The following KLKB1 variants were observed in gnomAD, a reference collection of about 807,000 sequenced individuals.
KLKB1 encodes the protein plasma kallikrein.
A neutral mutation model predicts 73.6 loss-of-function variants in KLKB1; 58 were observed. The observed-to-expected ratio is 0.79, with a 90% CI of 0.64 to 0.98. The LOEUF is 0.98. KLKB1 is among the 50% of genes least tolerant of loss of function. KLKB1 has a pLI of 0.00. For synonymous variants in KLKB1, 280 were observed against 258.1 expected (o/e 1.08, Z -0.81); for missense variants, 737 against 763.8 (o/e 0.96, Z 0.41).
intron 6 of KLKB1, among the ~76,000 whole-genome samples, chr4:186,249,328 G>T (rs1738545692): frequency 6.6e-6 from 1 of 152,140 alleles, no homozygotes; most frequent in Non-Finnish European, 1.5e-5. Flanking sequence ...ATTAAATTTT[G>T]TATATGGTGT....
At chr4:186,240,673 T>C (rs1737985958) in intron 6 of KLKB1, among the ~76,000 whole-genome samples, 1 of 152,200 alleles carries the variant, frequency 6.6e-6, no homozygotes, top group South Asian at 2.1e-4. Context: ...AGGATTTCCC[T>C]GTGGAAGATT....
chr4:186,249,901 C>CAA (rs4253298), intron 6 of KLKB1, among the ~76,000 whole-genome samples: 14 of 151,934 alleles, frequency 9.2e-5, no homozygotes, highest in African/African-American at 3.4e-4. Context: ...GAAAATACAA[C>CAA]AAAAAAACCC....
At chr4:186,230,998 T>A (rs1737376111) in intron 2 of KLKB1, among the ~76,000 whole-genome samples, 1 of 152,100 alleles carries the variant, frequency 6.6e-6, no homozygotes, top group African/African-American at 2.4e-5. Context: ...CGAGAGGTGG[T>A]CATCTTGGCC....
At chr4:186,233,808 A>T (rs1737525267) in intron 3 of KLKB1, 144 bp from the exon 4 acceptor site, 1 of 667,516 alleles carries the variant, frequency 1.5e-6, no homozygotes, top group Non-Finnish European at 2.7e-6. Context: ...ATTAGCTCTA[A>T]GAGTGTTCTT....
At chr4:186,235,306 A>G (rs1259688256) in intron 4 of KLKB1, among the ~76,000 whole-genome samples, 1 of 152,030 alleles carries the variant, frequency 6.6e-6, no homozygotes, top group Non-Finnish European at 1.5e-5. Context: ...TTGTTCATGT[A>G]TTCTAAAACT....
At chr4:186,230,054 A>G (rs1273726002) in intron 2 of KLKB1, among the ~76,000 whole-genome samples, 1 of 152,124 alleles carries the variant, frequency 6.6e-6, no homozygotes, top group Non-Finnish European at 1.5e-5. Context: ...GACTGGAGCA[A>G]GTGGAAGGAG....
Position 186,239,575 on chromosome 4 carries a change from A to G in KLKB1, c.598+1210A>G, listed in dbSNP as rs542798208. ...GTGATACTGTTAGAGTTATAGGTAC[A>G]GTGACATAGGACAGTGATACTGTTA... is the stretch of plus-strand genomic sequence containing the variant. On this transcript the variant is annotated intron_variant, in intron 6 of 14. Coordinates refer to ENST00000264690, the MANE Select transcript of KLKB1 (RefSeq NM_000892.5). Among the ~76,000 whole-genome samples, 5 of 147,128 alleles carry G rather than the reference A, an allele frequency of 3.4e-5. No individual in the cohort carries two copies. The East Asian group carries it at 1.0e-3, about 30-fold the overall frequency.
intron 6 of KLKB1, among the ~76,000 whole-genome samples, chr4:186,241,423 G>GT (rs2126648601): frequency 6.6e-6 from 1 of 152,140 alleles, no homozygotes; most frequent in South Asian, 2.1e-4. Context: ...TCCACCTTTT[G>GT]TTTTTTTAAT....
chr4:186,236,935 G>A lies in KLKB1; in HGVS notation c.483G>A (p.Glu161=), dbSNP rs751384112. Residue 161 remains glutamate (E), a synonymous_variant, in exon 5 of 15, where the codon GAG becomes GAA. Transcript: ENST00000264690. ...CCACGCAAACATTTCACAAGGCAGAGTACCGGTGAGTACAATTCAAGGTGT... is the reference window on the plus strand; with the variant it reads ...CCACGCAAACATTTCACAAGGCAGAATACCGGTGAGTACAATTCAAGGTGT... The part of the protein sequence containing the change: ...SYATQTFHKA[E]YRNNCLLKYS... The A allele has an allele frequency of 1.2e-6, 2 of 1,614,072 alleles. No homozygotes were observed. The highest frequency in any genetic ancestry group is 3.3e-5 in the Admixed American group (2 of 60,016).
chr4:186,242,859 A>T (rs764686584), intron 6 of KLKB1, among the ~76,000 whole-genome samples: 1 of 150,870 alleles, frequency 6.6e-6, no homozygotes. Context: ...GGTGAGGGGT[A>T]TGAAGGTTTT....
chr4:186,249,918 T>A (rs1264799950), intron 6 of KLKB1, among the ~76,000 whole-genome samples: 1 of 152,156 alleles, frequency 6.6e-6, no homozygotes, highest in East Asian at 1.9e-4. Flanking sequence ...ACCCTTACAT[T>A]CCTAAGGCCT....
chr4:186,244,742 T>A (rs890531610), intron 6 of KLKB1, among the ~76,000 whole-genome samples: 1 of 152,186 alleles, frequency 6.6e-6, no homozygotes, highest in Non-Finnish European at 1.5e-5. Flanking sequence ...GTCCGGTTTT[T>A]GGACAGGTAA....
chr4:186,240,542 A>AT lies in KLKB1; in HGVS notation c.598+2177_598+2178insT, dbSNP rs971588320. On this transcript the variant is annotated intron_variant, in intron 6 of 14. Transcript: ENST00000264690. ...ATCCAGAAAATTGCCATGACATTCC[A>AT]CCTCATTTAGCATGTCAGGATGTTA... Among the ~76,000 whole-genome samples the AT allele has an allele frequency of 1.2e-4, 19 of 152,162 alleles. 1 individual carries two copies. The highest frequency in any genetic ancestry group is 4.6e-4 in the African/African-American group (19 of 41,430).
chr4:186,258,172 A>G lies in KLKB1; in HGVS notation c.1877A>G (p.Gln626Arg). The part of the protein sequence containing the change: ...EYMDWILEKT[Q>R]SSDGKAQMQS... ...ATGGACTGGATTTTAGAGAAAACAC[A>G]GAGCAGTGATGGAAAAGCTCAGATG... The change falls in exon 15 of 15, where the codon CAG becomes CGG. Residue 626 changes from glutamine (Q) to arginine (R), a missense_variant. Physicochemically the swap from Gln to Arg is conservative, Grantham distance 43. Transcript: ENST00000264690. 1 of 1,614,208 alleles carries G rather than the reference A, an allele frequency of 6.2e-7. No individual in the cohort carries two copies. Among genetic ancestry groups the G allele is most frequent in the East Asian group, 2.2e-5 (1 of 44,882 alleles).
At chr4:186,221,385 G>T (rs537913800) in intron 2 of KLKB1, among the ~76,000 whole-genome samples, 1 of 151,082 alleles carries the variant, frequency 6.6e-6, no homozygotes, top group African/African-American at 2.4e-5. Flanking sequence ...GTAAAGTTAG[G>T]ATATTTCAGA....
chr4:186,243,783 A>T (rs569591104), intron 6 of KLKB1, among the ~76,000 whole-genome samples: 2 of 152,242 alleles, frequency 1.3e-5, no homozygotes, highest in African/African-American at 4.8e-5. Flanking sequence ...CAATGAGTTC[A>T]GCTTGCTGAG....
intron 13 of KLKB1, among the ~76,000 whole-genome samples, chr4:186,256,997 CTCTGTGTG>C (rs1243018467): frequency 7.4e-5 from 11 of 148,716 alleles, no homozygotes; most frequent in African/African-American, 1.2e-4. Context: ...GTCTCTCTCT[CTCTGTGTG>C]TGTGTGTGTG....
chr4:186,244,512 G>C (rs1408779577), intron 6 of KLKB1, among the ~76,000 whole-genome samples: 1 of 152,204 alleles, frequency 6.6e-6, no homozygotes, highest in Non-Finnish European at 1.5e-5. Context: ...AGTTGCTGAG[G>C]CTGACGGGTG....
chr4:186,250,912 C>T (rs1580028739), intron 7 of KLKB1: 1 of 398,396 alleles, frequency 2.5e-6, no homozygotes, highest in Non-Finnish European at 4.5e-6. Context: ...TCATCGGCAG[C>T]ATAAATTCCC....
Sources: gnomAD v4.1 joint callset for allele counts (sites outside exome capture counted in the v4.1 genomes callset) on GRCh38, gnomAD v4.1.1 for gene constraint, MANE v1.5 for transcripts, NCBI Gene and HGNC (gene_info 2026-07-23, HGNC 2026-07-21) for gene names.